The following AP2B1 variants were observed in gnomAD, a reference collection of about 807,000 sequenced individuals.
AP2B1 encodes AP-2 complex subunit beta.
In AP2B1, 23 loss-of-function variants were observed where a neutral mutation model predicts 102.0. The observed-to-expected ratio is 0.23, with a 90% CI of 0.16 to 0.32. The LOEUF is 0.32. Ranked by LOEUF, AP2B1 falls within the 10% of genes least tolerant of loss-of-function variation. The pLI, the probability that AP2B1 is intolerant of heterozygous loss-of-function variation, is 1.00. For missense variants in AP2B1, 541 were observed against 1,157.4 expected (o/e 0.47, Z 7.73); for synonymous variants, 381 against 421.2 (o/e 0.90, Z 1.17).
At chr17:35,595,964 G>A (rs1385656412) in intron 2 of AP2B1, among the ~76,000 whole-genome samples, 7 of 150,734 alleles carry the variant, frequency 4.6e-5, no homozygotes, top group Admixed American at 4.6e-4. Context: ...ACCTACTCTT[G>A]AAAAGTGTCC....
rs114194640 is a variant in AP2B1 at position 35,719,508 on chromosome 17, T to C, written c.2781+2159T>C. On this transcript the variant is annotated intron_variant, in intron 21 of 21. Coordinates refer to ENST00000610402, the MANE Select transcript of AP2B1 (RefSeq NM_001030006.2). ...GTAACATGTAACCTCTTAAGATTGT[T>C]TTTTGCACACATAATACTCATAACA... Among the ~76,000 whole-genome samples, 976 of 152,356 alleles carry C rather than the reference T, an allele frequency of 6.4e-3. 9 individuals are homozygous for C. The highest frequency in any genetic ancestry group is 0.022 in the African/African-American group (929 of 41,576).
At chr17:35,620,358 G>A (rs1169615896) in intron 5 of AP2B1, among the ~76,000 whole-genome samples, 1 of 151,784 alleles carries the variant, frequency 6.6e-6, no homozygotes, top group Non-Finnish European at 1.5e-5. Context: ...CATGCACTGT[G>A]GTCCCATCTG....
intron 5 of AP2B1, among the ~76,000 whole-genome samples, chr17:35,623,895 G>C (rs1199990277): frequency 6.6e-6 from 1 of 152,148 alleles, no homozygotes; most frequent in African/African-American, 2.4e-5. Flanking sequence ...TCTCAGCATT[G>C]TATACTAGTG....
chr17:35,636,365 A>T lies in AP2B1; in HGVS notation c.1180A>T (p.Thr394Ser). The T allele has an allele frequency of 6.2e-7, 1 of 1,613,878 alleles. No individual in the cohort carries two copies. The highest frequency in any genetic ancestry group is 8.5e-7 in the Non-Finnish European group (1 of 1,179,888). ...GCAATCTGCAGAGCGCTGTGTAAGCACATTGCTTGATCTAATCCAGACCAA... is the reference window on the plus strand; with the variant it reads ...GCAATCTGCAGAGCGCTGTGTAAGCTCATTGCTTGATCTAATCCAGACCAA... ...VEQSAERCVS[T>S]LLDLIQTKVN... Residue 394 changes from threonine (T) to serine (S), a missense_variant, in exon 10 of 22, where the codon ACA (threonine) becomes TCA (serine). Around this residue, in one of 10 missense-constraint regions of AP2B1, gnomAD observed 106 missense variants for 296.4 expected, o/e 0.36. Coordinates refer to ENST00000610402, the MANE Select transcript of AP2B1 (RefSeq NM_001030006.2).
At chr17:35,599,327 A>G (rs2073399454) in intron 3 of AP2B1, among the ~76,000 whole-genome samples, 1 of 152,246 alleles carries the variant, frequency 6.6e-6, no homozygotes. Context: ...AAATGAACAA[A>G]GTGAACCTGT....
At position 35,605,698 on chromosome 17, in the gene AP2B1, T is replaced by G; in HGVS notation, c.144-7T>G. The stretch of plus-strand genomic sequence containing the variant: ...CTTTCCTTTTCTCTTTTACCCTCTC[T>G]TCTCAGTTCTCTCTTTCCAGACGTA... On this transcript the variant is annotated splice_region_variant and splice_polypyrimidine_tract_variant and intron_variant, in intron 3 of 21. Coordinates refer to ENST00000610402, the MANE Select transcript of AP2B1 (RefSeq NM_001030006.2). 1 of 1,603,288 alleles carries G rather than the reference T, an allele frequency of 6.2e-7. No homozygotes were observed. Among genetic ancestry groups the G allele is most frequent in the Non-Finnish European group, 8.5e-7 (1 of 1,173,684 alleles).
chr17:35,612,988 T>A (rs1347990170), intron 5 of AP2B1, among the ~76,000 whole-genome samples: 1 of 140,998 alleles, frequency 7.1e-6, no homozygotes, highest in East Asian at 2.0e-4. Flanking sequence ...ATTATAGAAA[T>A]CTCAAAAAAG....
At chr17:35,595,507 G>A (rs952727482) in intron 2 of AP2B1, among the ~76,000 whole-genome samples, 1 of 152,042 alleles carries the variant, frequency 6.6e-6, no homozygotes, top group Non-Finnish European at 1.5e-5. Flanking sequence ...TGATTGTGCC[G>A]CTGTACCCCA....
At chr17:35,650,867 T>A (rs1159043986) in intron 13 of AP2B1, 78 bp downstream of exon 13, 1 of 1,496,670 alleles carries the variant, frequency 6.7e-7, no homozygotes, top group Non-Finnish European at 9.1e-7. Flanking sequence ...GCTTTTATAG[T>A]CTGGAAAAGA....
intron 12 of AP2B1, among the ~76,000 whole-genome samples, chr17:35,648,393 A>G (rs1003217635): frequency 1.4e-4 from 21 of 152,048 alleles, no homozygotes; most frequent in Non-Finnish European, 2.8e-4. Flanking sequence ...GTGCGTACCA[A>G]TAATCCCAGC....
At chr17:35,602,042 T>C (rs2142359778) in intron 3 of AP2B1, among the ~76,000 whole-genome samples, 1 of 152,352 alleles carries the variant, frequency 6.6e-6, no homozygotes, top group South Asian at 2.1e-4. Context: ...TGTTGTGGTT[T>C]TGCCAAGCTT....
At chr17:35,677,330 TCTTATGA>T (rs2075724003) in intron 17 of AP2B1, among the ~76,000 whole-genome samples, 1 of 152,204 alleles carries the variant, frequency 6.6e-6, no homozygotes, top group African/African-American at 2.4e-5. Context: ...TTTTTTTTCT[TCTTATGA>T]CTTAGGCTTT....
chr17:35,619,318 A>G (rs754277225), intron 5 of AP2B1, among the ~76,000 whole-genome samples: 7 of 152,226 alleles, frequency 4.6e-5, no homozygotes, highest in African/African-American at 7.2e-5. Flanking sequence ...TTCTATTAGT[A>G]TAATGTAAGT....
chr17:35,661,982 T>C (rs1257608714), intron 14 of AP2B1, among the ~76,000 whole-genome samples: 1 of 152,238 alleles, frequency 6.6e-6, no homozygotes, highest in East Asian at 1.9e-4. Context: ...ATCAATTTAT[T>C]ATTTATTTGT....
chr17:35,599,563 G>A (rs2073407920), intron 3 of AP2B1, among the ~76,000 whole-genome samples: 1 of 152,128 alleles, frequency 6.6e-6, no homozygotes, highest in African/African-American at 2.4e-5. Flanking sequence ...AATGACCAGA[G>A]CATATGTATA....
intron 18 of AP2B1, among the ~76,000 whole-genome samples, chr17:35,685,437 A>C (rs377643619): frequency 3.0e-4 from 45 of 152,238 alleles, no homozygotes; most frequent in African/African-American, 1.1e-3. Context: ...AGCCAGGTAA[A>C]GATTGATCTA....
At chr17:35,687,474 A>G (rs1413263649) in intron 18 of AP2B1, among the ~76,000 whole-genome samples, 3 of 152,044 alleles carry the variant, frequency 2.0e-5, no homozygotes, top group South Asian at 2.1e-4. Context: ...GCCATCATCT[A>G]CATACTTTTC....
chr17:35,630,907 A>G (rs1034026166), intron 9 of AP2B1, among the ~76,000 whole-genome samples: 2 of 152,312 alleles, frequency 1.3e-5, no homozygotes, highest in African/African-American at 2.4e-5. Context: ...TGTTTCAGCC[A>G]TGAAGGTTTT....
At chr17:35,633,161 G>C (rs1322218975) in intron 9 of AP2B1, among the ~76,000 whole-genome samples, 3 of 152,028 alleles carry the variant, frequency 2.0e-5, no homozygotes, top group South Asian at 2.1e-4. Context: ...AGGAGATCGA[G>C]ACATCCTGGT....
Sources: gnomAD v4.1 joint callset for allele counts (sites outside exome capture counted in the v4.1 genomes callset) on GRCh38, gnomAD v4.1.1 for gene constraint, gnomAD v4.1.1 regional missense constraint, MANE v1.5 for transcripts, NCBI Gene and HGNC (gene_info 2026-07-23, HGNC 2026-07-21) for gene names.